Variants in ELOVL2 observed in about 807,000 individuals in gnomAD.
ELOVL2 encodes very long chain fatty acid elongase 2.
In ELOVL2, 38 loss-of-function variants were observed where a neutral mutation model predicts 37.7. The observed-to-expected ratio is 1.01, with a 90% CI of 0.78 to 1.32. The LOEUF is 1.32. Among genes scored for constraint, ELOVL2 ranks in the 40% most tolerant of loss-of-function variants. The pLI is 0.00. For synonymous variants in ELOVL2, 115 were observed against 122.3 expected (o/e 0.94, Z 0.40); for missense variants, 352 against 363.6 (o/e 0.97, Z 0.26).
At chr6:11,042,592 C>A (rs1212096952) in intron 1 of ELOVL2, among the ~76,000 whole-genome samples, 1 of 151,892 alleles carries the variant, frequency 6.6e-6, no homozygotes, top group Non-Finnish European at 1.5e-5. Flanking sequence ...AAAAGGAGAG[C>A]CAGTTGGTCC....
chr6:11,012,688 C>T (rs1399288892), intron 1 of ELOVL2, among the ~76,000 whole-genome samples: 1 of 152,082 alleles, frequency 6.6e-6, no homozygotes, highest in Non-Finnish European at 1.5e-5. Flanking sequence ...AAAAGTAAAA[C>T]AAGGGAAGAT....
At chr6:10,985,539 A>G (rs1463278186) in intron 7 of ELOVL2, among the ~76,000 whole-genome samples, 1 of 149,658 alleles carries the variant, frequency 6.7e-6, no homozygotes, top group Non-Finnish European at 1.5e-5. Context: ...GGTGTAAGGA[A>G]GGATCCAGTT....
chr6:11,016,549 A>G (rs1435113388), intron 1 of ELOVL2, among the ~76,000 whole-genome samples: 2 of 152,204 alleles, frequency 1.3e-5, no homozygotes, highest in African/African-American at 4.8e-5. Flanking sequence ...GTACTAACCT[A>G]ACACAATTCT....
intron 3 of ELOVL2, among the ~76,000 whole-genome samples, chr6:11,004,538 C>T (rs978916882): frequency 1.3e-5 from 2 of 151,434 alleles, no homozygotes; most frequent in African/African-American, 2.4e-5. Flanking sequence ...TGTAAAATGA[C>T]CTTGGTTTGG....
intron 1 of ELOVL2, among the ~76,000 whole-genome samples, chr6:11,024,774 A>G (rs1441406609): frequency 6.6e-6 from 1 of 152,238 alleles, no homozygotes; most frequent in Non-Finnish European, 1.5e-5. Context: ...AACAAAAAGT[A>G]CAAATTTCTC....
At chr6:11,001,907 GCTT>G (rs1310007726) in intron 3 of ELOVL2, among the ~76,000 whole-genome samples, 3 of 152,154 alleles carry the variant, frequency 2.0e-5, no homozygotes, top group Admixed American at 6.5e-5. Context: ...GAATCCACCA[GCTT>G]CTTCCCATCT....
At chr6:11,010,002 G>A (rs527999415) in intron 2 of ELOVL2, among the ~76,000 whole-genome samples, 2 of 151,888 alleles carry the variant, frequency 1.3e-5, no homozygotes, top group African/African-American at 4.8e-5. Flanking sequence ...TACGGGCCCC[G>A]GGCAGAGAAA....
At chr6:10,985,323 C>T (rs1306019675) in intron 7 of ELOVL2, among the ~76,000 whole-genome samples, 2 of 151,920 alleles carry the variant, frequency 1.3e-5, no homozygotes, top group Non-Finnish European at 2.9e-5. Flanking sequence ...CCTGTTCACT[C>T]TGATGGTCGT....
At chr6:11,032,103 C>G (rs900986859) in intron 1 of ELOVL2, among the ~76,000 whole-genome samples, 1 of 152,098 alleles carries the variant, frequency 6.6e-6, no homozygotes, top group Non-Finnish European at 1.5e-5. Context: ...GGTTTCCAGT[C>G]GGCTACAGAC....
At chr6:11,030,825 C>T (rs944183472) in intron 1 of ELOVL2, among the ~76,000 whole-genome samples, 5 of 152,218 alleles carry the variant, frequency 3.3e-5, no homozygotes, top group Non-Finnish European at 5.9e-5. Context: ...TAAATAAACA[C>T]GTACTGGGCA....
intron 1 of ELOVL2, among the ~76,000 whole-genome samples, chr6:11,030,854 C>T (rs1782920249): frequency 6.6e-6 from 1 of 152,270 alleles, no homozygotes; most frequent in South Asian, 2.1e-4. Flanking sequence ...TGAAACACAA[C>T]TGATAAAGTT....
chr6:11,029,887 T>G (rs1782896638), intron 1 of ELOVL2, among the ~76,000 whole-genome samples: 1 of 152,196 alleles, frequency 6.6e-6, no homozygotes, highest in African/African-American at 2.4e-5. Context: ...GCAATTTGTT[T>G]GAGTAAAAAT....
At chr6:11,038,095 A>G (rs1423335925) in intron 1 of ELOVL2, among the ~76,000 whole-genome samples, 1 of 152,016 alleles carries the variant, frequency 6.6e-6, no homozygotes, top group Non-Finnish European at 1.5e-5. Flanking sequence ...TACCTCTAGT[A>G]TGTGACCTTG....
intron 1 of ELOVL2, among the ~76,000 whole-genome samples, chr6:11,041,741 T>C (rs898408375): frequency 2.0e-5 from 3 of 152,106 alleles, no homozygotes; most frequent in African/African-American, 2.4e-5. Flanking sequence ...AAAACTTATG[T>C]AAATTTTATT....
chr6:11,038,977 T>A (rs1783058519), intron 1 of ELOVL2, among the ~76,000 whole-genome samples: 1 of 151,910 alleles, frequency 6.6e-6, no homozygotes, highest in African/African-American at 2.4e-5. Flanking sequence ...CATATCCAAC[T>A]GTGTGTGTGA....
intron 1 of ELOVL2, among the ~76,000 whole-genome samples, chr6:11,018,468 G>T (rs905697517): frequency 6.6e-6 from 1 of 152,192 alleles, no homozygotes; most frequent in Non-Finnish European, 1.5e-5. Context: ...GAAGTATGGA[G>T]ACACCATCTT....
intron 1 of ELOVL2, among the ~76,000 whole-genome samples, chr6:11,037,276 T>A (rs2113567211): frequency 6.6e-6 from 1 of 151,498 alleles, no homozygotes; most frequent in South Asian, 2.1e-4. Context: ...GAGTTAACTT[T>A]TAATCTAACT....
At position 11,034,088 on chromosome 6, in the gene ELOVL2, A is replaced by G. The variant is rs547983706; in HGVS notation, c.3+10140T>C. ...TGAATCCAGGAGTGTGTGGTTAAAG[A>G]GAGAATTTTTCAGAAGCTGGCAATA... is the stretch of plus-strand genomic sequence containing the variant. On this transcript the variant is annotated intron_variant, in intron 1 of 7. Coordinates refer to ENST00000354666, the MANE Select transcript of ELOVL2 (RefSeq NM_017770.4). 2.8e-3 allele frequency among the ~76,000 whole-genome samples: 427 copies of G among 152,352 alleles called. 1 individual carries two copies. Among genetic ancestry groups the G allele is most frequent in the Non-Finnish European group, 4.6e-3 (311 of 68,030 alleles).
At position 11,019,081 on chromosome 6, in the gene ELOVL2, A is replaced by AT. The variant is rs1001755774; in HGVS notation, c.4-8273dup. On this transcript the variant is annotated intron_variant, in intron 1 of 7. Transcript: ENST00000354666. ...ATAGTATACTTCTATTACAGTTATC[A>AT]TAAGATTGCATTCAGACACTACATC... 5.8e-4 allele frequency among the ~76,000 whole-genome samples: 89 copies of AT among 152,216 alleles called. 1 individual carries two copies. Among genetic ancestry groups the AT allele is most frequent in the African/African-American group, 2.1e-3 (89 of 41,458 alleles).
Sources: allele counts gnomAD v4.1 joint callset (sites outside exome capture counted in the v4.1 genomes callset), GRCh38; gene constraint gnomAD v4.1.1; transcripts MANE v1.5; gene names NCBI Gene and HGNC (gene_info 2026-07-23, HGNC 2026-07-21).